The following THEMIS variants were observed in gnomAD, a reference collection of about 807,000 sequenced individuals.
The protein encoded by THEMIS is protein THEMIS.
A neutral mutation model predicts 52.6 loss-of-function variants in THEMIS; 37 were observed. The ratio of observed to expected loss-of-function variants is 0.70; its 90% CI spans 0.54 to 0.93. The LOEUF (loss-of-function observed/expected upper bound fraction) is 0.93, where lower values mean the gene tolerates loss of function less well. THEMIS is among the 40% of genes least tolerant of loss of function. THEMIS has a pLI of 0.00. For synonymous variants in THEMIS, 292 were observed against 272.7 expected, an observed-to-expected ratio of 1.07 and a Z score of -0.70; for missense variants, 808 against 763.1, an observed-to-expected ratio of 1.06 and a Z score of -0.69.
In THEMIS at chr6:127,813,791, C is replaced by T. The variant is rs576509982; in HGVS notation, c.850G>A (p.Val284Met). ...FEMTSKEFPI[V>M]TEVIEAPEGN... is the part of the protein sequence containing the mutation. ...TCAGGTGCTTCTATGACTTCAGTCA[C>T]TATGGGGAACTCTTTACTAGTCATT... is the stretch of plus-strand genomic sequence containing the variant. Residue 284 changes from valine (V) to methionine (M), a missense_variant, in exon 4 of 6, where the codon GTG becomes ATG. Physicochemically the swap from Val to Met is conservative, Grantham distance 21. Transcript: ENST00000368248. The T allele has an allele frequency of 1.2e-6, 2 of 1,613,986 alleles. No individual in the cohort carries two copies. Among genetic ancestry groups the T allele is most frequent in the Admixed American group, 3.3e-5 (2 of 59,994 alleles).
rs1781016476 is a variant in THEMIS at position 127,897,822 on chromosome 6, T to A, written c.91+3020A>T. On this transcript the variant is annotated intron_variant, in intron 1 of 5. Coordinates refer to ENST00000368248, the MANE Select transcript of THEMIS (RefSeq NM_001010923.3). ...TAATGCATATACACGTAGGCACACA[T>A]GTACAAGAATTTTCATGACAAAATT... Among the ~76,000 whole-genome samples, 5 of 151,770 alleles carry A rather than the reference T, an allele frequency of 3.3e-5. No homozygotes were observed. The South Asian group carries it at 1.0e-3, about 31-fold the overall frequency.
intron 1 of THEMIS, among the ~76,000 whole-genome samples, chr6:127,871,274 CATATTTA>C (rs1562312869): frequency 6.6e-6 from 1 of 151,794 alleles, no homozygotes; most frequent in Non-Finnish European, 1.5e-5. Context: ...GCATATAATA[CATATTTA>C]TACCTATATA....
At chr6:127,876,959 G>A (rs1353428441) in intron 1 of THEMIS, among the ~76,000 whole-genome samples, 4 of 151,962 alleles carry the variant, frequency 2.6e-5, no homozygotes, top group Non-Finnish European at 1.5e-5. Flanking sequence ...TTACAATAAG[G>A]CAAGTCACAC....
intron 4 of THEMIS, among the ~76,000 whole-genome samples, chr6:127,732,848 G>A (rs565446643): frequency 2.6e-5 from 4 of 152,186 alleles, no homozygotes; most frequent in East Asian, 1.9e-4. Flanking sequence ...ATTTCTATTC[G>A]GTGCACATAT....
chr6:127,711,532 C>T (rs554392830), intron 5 of THEMIS, among the ~76,000 whole-genome samples: 6 of 152,006 alleles, frequency 3.9e-5, no homozygotes, highest in East Asian at 1.9e-4. Context: ...TGAAGAGAAC[C>T]TGGATTGCAT....
At chr6:127,746,756 AT>A (rs1209356144) in intron 4 of THEMIS, among the ~76,000 whole-genome samples, 2 of 82,304 alleles carry the variant, frequency 2.4e-5, no homozygotes, top group East Asian at 6.9e-4. Flanking sequence ...ATAATTATAT[AT>A]TATTATATAA....
At position 127,725,232 on chromosome 6, in the gene THEMIS, G is replaced by A. The variant is rs1325339160; in HGVS notation, c.1759-5409C>T. Among the ~76,000 whole-genome samples the A allele has an allele frequency of 4.6e-5, 7 of 152,168 alleles. No homozygotes were observed. In the South Asian group the frequency reaches 1.2e-3, roughly 27 times the overall value. ...ACACTTAAGTGAAGAAATTTCAAGT[G>A]ATATTTGAGAAGAAATCTCTCATTA... On this transcript the variant is annotated intron_variant, in intron 4 of 5. Coordinates refer to ENST00000368248, the MANE Select transcript of THEMIS (RefSeq NM_001010923.3).
chr6:127,839,956 G>A (rs1384924360), intron 2 of THEMIS, among the ~76,000 whole-genome samples: 1 of 151,960 alleles, frequency 6.6e-6, no homozygotes, highest in Non-Finnish European at 1.5e-5. Flanking sequence ...GACACTAAAA[G>A]CCATTAAATT....
At chr6:127,913,500 A>G (rs1390833536) in intron 1 of THEMIS, among the ~76,000 whole-genome samples, 5 of 152,180 alleles carry the variant, frequency 3.3e-5, no homozygotes, top group Admixed American at 2.6e-4. Flanking sequence ...TGGACTTGAC[A>G]TATTTGTTGT....
At chr6:127,889,897 G>A (rs746757891) in intron 1 of THEMIS, among the ~76,000 whole-genome samples, 23 of 152,096 alleles carry the variant, frequency 1.5e-4, no homozygotes, top group Non-Finnish European at 2.8e-4. Flanking sequence ...TAGACATAAC[G>A]TCACAAGATG....
At chr6:127,907,483 A>G (rs1583417439) in intron 1 of THEMIS, among the ~76,000 whole-genome samples, 2 of 151,372 alleles carry the variant, frequency 1.3e-5, no homozygotes, top group East Asian at 3.9e-4. Context: ...TATACCTGGA[A>G]AAGTCCCAGG....
intron 4 of THEMIS, among the ~76,000 whole-genome samples, chr6:127,804,388 A>G (rs1254705165): frequency 2.0e-5 from 3 of 152,066 alleles, no homozygotes; most frequent in Non-Finnish European, 4.4e-5. Context: ...CACCTTATAT[A>G]CCCCTTAGCC....
At chr6:127,855,291 T>C in intron 1 of THEMIS, 103 bp from the exon 2 acceptor site, 1 of 929,076 alleles carries the variant, frequency 1.1e-6, no homozygotes, top group Non-Finnish European at 1.5e-6. Flanking sequence ...AGTTCCTCTC[T>C]TAGCTACCTG....
chr6:127,699,066 C>T, the THEMIS span, among the ~76,000 whole-genome samples: 1 of 151,548 alleles, frequency 6.6e-6, no homozygotes, highest in African/African-American at 2.4e-5. Context: ...ATATTCCTTC[C>T]TTATTATAAT....
intron 4 of THEMIS, among the ~76,000 whole-genome samples, chr6:127,784,764 G>C (rs1274569090): frequency 6.6e-6 from 1 of 152,058 alleles, no homozygotes; most frequent in African/African-American, 2.4e-5. Context: ...CTTTAATCCA[G>C]CACTTCTGAA....
chr6:127,824,739 C>T lies in THEMIS; in HGVS notation c.709+4737G>A, dbSNP rs1475610850. Among the ~76,000 whole-genome samples, 3 of 152,158 alleles carry T rather than the reference C, an allele frequency of 2.0e-5. 1 individual carries two copies. Among genetic ancestry groups the T allele is most frequent in the African/African-American group, 7.2e-5 (3 of 41,426 alleles). ...GTCTCGATCTCCTGACCTCGTGATC[C>T]GCCCGCCTCGGCCCCCCAAAGTGCT... On this transcript the variant is annotated intron_variant, in intron 3 of 5. Coordinates refer to ENST00000368248, the MANE Select transcript of THEMIS (RefSeq NM_001010923.3).
rs957124886 is a variant in THEMIS, at chr6:127,857,845, T to C, written c.92-2657A>G. ...GTTTGAAATTGTTGCAAAACTAACA[T>C]AGAGGGGAAAATGTGTTAAGCAGAG... On this transcript the variant is annotated intron_variant, in intron 1 of 5. Coordinates refer to ENST00000368248, the MANE Select transcript of THEMIS (RefSeq NM_001010923.3). Among the ~76,000 whole-genome samples, 4 of 151,970 alleles carry C rather than the reference T, an allele frequency of 2.6e-5. No individual in the cohort carries two copies. In the South Asian group the frequency reaches 6.2e-4, roughly 24 times the overall value.
intron 4 of THEMIS, among the ~76,000 whole-genome samples, chr6:127,751,242 T>C (rs1464218999): frequency 6.6e-6 from 1 of 151,688 alleles, no homozygotes; most frequent in Non-Finnish European, 1.5e-5. Context: ...GAAGTAAAAA[T>C]GTAGAGTTTT....
intron 1 of THEMIS, among the ~76,000 whole-genome samples, chr6:127,895,823 C>A (rs1780948177): frequency 6.6e-6 from 1 of 151,316 alleles, no homozygotes; most frequent in African/African-American, 2.4e-5. Flanking sequence ...TACATAAAAT[C>A]TTTAGGAAAA....
Sources: allele counts gnomAD v4.1 joint callset (sites outside exome capture counted in the v4.1 genomes callset), GRCh38; gene constraint gnomAD v4.1.1; transcripts MANE v1.5; gene names NCBI Gene and HGNC (gene_info 2026-07-23, HGNC 2026-07-21).